The following SOS1 variants were observed in gnomAD, a reference collection of about 807,000 sequenced individuals.
The protein encoded by SOS1 is son of sevenless homolog 1.
A neutral mutation model predicts 157.6 loss-of-function variants in SOS1; 25 were observed. That is an observed-to-expected ratio of 0.16 (90% CI 0.12 to 0.22). The LOEUF (loss-of-function observed/expected upper bound fraction) is 0.22. Among genes scored for constraint, SOS1 ranks in the 10% least tolerant of loss-of-function variants. SOS1 has a pLI of 1.00. For missense variants in SOS1, 1,237 were observed against 1,599.1 expected, an observed-to-expected ratio of 0.77 and a Z score of 3.86; for synonymous variants, 528 against 534.0, an observed-to-expected ratio of 0.99 and a Z score of 0.16.
At chr2:38,996,410 A>G (rs1163842720) in intron 19 of SOS1, among the ~76,000 whole-genome samples, 3 of 152,166 alleles carry the variant, frequency 2.0e-5, no homozygotes, top group Non-Finnish European at 4.4e-5. Flanking sequence ...TTTTTTATGA[A>G]CAAGAGAGTA....
chr2:39,047,082 A>C (rs1036121210), intron 6 of SOS1, among the ~76,000 whole-genome samples: 2 of 152,212 alleles, frequency 1.3e-5, no homozygotes, highest in Non-Finnish European at 2.9e-5. Context: ...AAGAAATAGA[A>C]CATTTCTAGC....
chr2:39,032,423 T>C (rs896905140), intron 8 of SOS1, among the ~76,000 whole-genome samples: 3 of 152,232 alleles, frequency 2.0e-5, no homozygotes, highest in African/African-American at 7.2e-5. Flanking sequence ...TAAAGGTAAT[T>C]ATATAAAATT....
In SOS1 at chr2:39,033,245, A is replaced by G. The variant is rs895094261; in HGVS notation, c.1074+1967T>C. Among the ~76,000 whole-genome samples, 10 of 146,442 alleles carry G rather than the reference A, an allele frequency of 6.8e-5. No individual in the cohort carries two copies. In the East Asian group the frequency reaches 2.0e-3, roughly 29 times the overall value. Reference sequence around the variant, plus strand: ...AGAAAAAAAAAAAAAAAAAGTGATGAGAGTCTTGTGGACTAATTAGACAAA... The same window carrying G: ...AGAAAAAAAAAAAAAAAAAGTGATGGGAGTCTTGTGGACTAATTAGACAAA... On this transcript the variant is annotated intron_variant, in intron 8 of 22. Coordinates refer to ENST00000402219, the MANE Select transcript of SOS1 (RefSeq NM_005633.4).
intron 1 of SOS1, among the ~76,000 whole-genome samples, chr2:39,101,340 C>G (rs1377500257): frequency 6.6e-6 from 1 of 152,150 alleles, no homozygotes; most frequent in African/African-American, 2.4e-5. Flanking sequence ...CTGTCTAACA[C>G]TGAGACGTGA....
intron 1 of SOS1, 82 bp downstream of exon 1, chr2:39,120,254 G>T: frequency 1.6e-6 from 2 of 1,254,720 alleles, no homozygotes; most frequent in Non-Finnish European, 2.1e-6. Context: ...ACGGCCCTGC[G>T]CGCGCCCCGC....
intron 6 of SOS1, among the ~76,000 whole-genome samples, chr2:39,037,369 G>A (rs1483926498): frequency 6.6e-6 from 1 of 152,070 alleles, no homozygotes; most frequent in African/African-American, 2.4e-5. Flanking sequence ...TCATCTATAA[G>A]TTGCCTTTTA....
rs145155424 is a variant in SOS1, at chr2:39,035,207, C to G, written c.1074+5G>C. On this transcript the variant is annotated splice_donor_5th_base_variant and intron_variant, in intron 8 of 22. Coordinates refer to ENST00000402219, the MANE Select transcript of SOS1 (RefSeq NM_005633.4). ...GTTACAAATAACAATAAAGAGTTTT[C>G]TTACCTTCAAAAGTTCAAAGTAATG... The G allele has an allele frequency of 7.8e-3, 12,530 of 1,597,144 alleles. 61 individuals are homozygous for G. The highest frequency in any genetic ancestry group is 9.7e-3 in the Non-Finnish European group (11,285 of 1,165,332).
chr2:39,086,405 T>A (rs1342599998), intron 1 of SOS1, among the ~76,000 whole-genome samples: 1 of 152,190 alleles, frequency 6.6e-6, no homozygotes, highest in Non-Finnish European at 1.5e-5. Flanking sequence ...TTTTCATAAG[T>A]GGGAGAGGGA....
At chr2:39,055,055 ATCTG>A (rs1558491431) in intron 4 of SOS1, among the ~76,000 whole-genome samples, 2 of 152,192 alleles carry the variant, frequency 1.3e-5, no homozygotes, top group East Asian at 3.8e-4. Flanking sequence ...ACTAGTATTT[ATCTG>A]TCTGTCTCTC....
At chr2:39,090,132 CCT>C (rs1672536892) in intron 1 of SOS1, among the ~76,000 whole-genome samples, 2 of 94,276 alleles carry the variant, frequency 2.1e-5, no homozygotes, top group African/African-American at 9.0e-5. Flanking sequence ...AGAGTGAGAC[CCT>C]GTCTCAAAAA....
intron 8 of SOS1, 23 bp from the exon 9 acceptor site, chr2:39,024,160 C>T (rs1185762241): frequency 1.3e-6 from 2 of 1,594,168 alleles, no homozygotes; most frequent in Middle Eastern, 1.7e-4. Context: ...AATGACAAAT[C>T]TGAACCAGTA....
intron 10 of SOS1, among the ~76,000 whole-genome samples, chr2:39,022,238 AAAG>A (rs1669821715): frequency 6.6e-6 from 1 of 151,864 alleles, no homozygotes; most frequent in Admixed American, 6.6e-5. Context: ...GAAAGAAAAA[AAAG>A]ATAAAGGAGT....
At chr2:39,050,305 G>A (rs968487464) in intron 6 of SOS1, among the ~76,000 whole-genome samples, 1 of 152,174 alleles carries the variant, frequency 6.6e-6, no homozygotes, top group African/African-American at 2.4e-5. Context: ...TATCTGAGGA[G>A]TTAGTTACCT....
intron 5 of SOS1, among the ~76,000 whole-genome samples, chr2:39,052,976 A>G (rs1399096673): frequency 6.6e-6 from 1 of 152,142 alleles, no homozygotes; most frequent in Admixed American, 6.5e-5. Context: ...AACATGGTGA[A>G]ACCCCGCCTC....
upstream of SOS1, among the ~76,000 whole-genome samples, chr2:39,121,967 TAAG>T (rs567379507): frequency 8.1e-4 from 124 of 152,306 alleles, no homozygotes; most frequent in Non-Finnish European, 1.5e-3. Context: ...ATTTCACCGA[TAAG>T]AAGGCAGTTT....
chr2:39,088,683 C>G (rs1232360167), intron 1 of SOS1, among the ~76,000 whole-genome samples: 1 of 152,158 alleles, frequency 6.6e-6, no homozygotes, highest in Non-Finnish European at 1.5e-5. Context: ...GAATAGTATT[C>G]TATTACATGC....
intron 2 of SOS1, among the ~76,000 whole-genome samples, chr2:39,061,410 C>A (rs1198484977): frequency 6.6e-6 from 1 of 151,966 alleles, no homozygotes; most frequent in African/African-American, 2.4e-5. Context: ...TGGGGGGGAA[C>A]AGGGTCTCGA....
intron 15 of SOS1, among the ~76,000 whole-genome samples, chr2:39,008,771 G>A (rs1426530280): frequency 6.6e-6 from 1 of 152,178 alleles, no homozygotes; most frequent in African/African-American, 2.4e-5. Flanking sequence ...CTGGGTGTGT[G>A]TGGTCAGGTA....
Position 38,985,414 on chromosome 2 carries a change from C to A in SOS1, c.*410G>T. 3 of 84,498 alleles carry A rather than the reference C, an allele frequency of 3.6e-5. No homozygotes were observed. Among genetic ancestry groups the A allele is most frequent in the South Asian group, 1.4e-4 (1 of 7,170 alleles). 5.2% of individuals were successfully genotyped at this position (84,498 alleles called of 1,614,324 possible). A position where few individuals can be genotyped will look rare whatever the true frequency, so the allele number is the denominator to read the frequency against. On this transcript the variant is annotated 3_prime_UTR_variant, in exon 23 of 23. Coordinates refer to ENST00000402219, the MANE Select transcript of SOS1 (RefSeq NM_005633.4). ...AAAACAAAGGAAGATATTAAGATCC[C>A]TGTTTAAGTTTTTTTTTTTAAAAGT...
Sources: gnomAD v4.1 joint callset for allele counts (sites outside exome capture counted in the v4.1 genomes callset) on GRCh38, gnomAD v4.1.1 for gene constraint, MANE v1.5 for transcripts, NCBI Gene and HGNC (gene_info 2026-07-23, HGNC 2026-07-21) for gene names.